Variants in CDC14A observed in about 807,000 individuals in gnomAD.
The protein encoded by CDC14A is dual specificity protein phosphatase CDC14A.
In CDC14A, 53 loss-of-function variants were observed where a neutral mutation model predicts 74.4. The observed-to-expected ratio is 0.71, with a 90% CI of 0.57 to 0.89. CDC14A has a LOEUF of 0.89. Among genes scored for constraint, CDC14A ranks in the 40% least tolerant of loss-of-function variants. CDC14A has a pLI of 0.00. For missense variants in CDC14A, 646 were observed against 713.7 expected (o/e 0.91, Z 1.08); for synonymous variants, 247 against 258.4 (o/e 0.96, Z 0.43).
chr1:100,358,462 C>CT (rs1421214882), intron 2 of CDC14A, among the ~76,000 whole-genome samples: 3 of 152,252 alleles, frequency 2.0e-5, no homozygotes, highest in Non-Finnish European at 2.9e-5. Flanking sequence ...TGTATAGGGT[C>CT]TTCATTTTCA....
intron 4 of CDC14A, among the ~76,000 whole-genome samples, chr1:100,415,518 A>G (rs150065666): frequency 1.4e-3 from 212 of 152,350 alleles, no homozygotes; most frequent in African/African-American, 4.9e-3. Flanking sequence ...CCTTGCCTCC[A>G]TATTTGTTAA....
chr1:100,406,491 T>C (rs1329280364), intron 4 of CDC14A, among the ~76,000 whole-genome samples: 1 of 152,220 alleles, frequency 6.6e-6, no homozygotes, highest in Admixed American at 6.5e-5. Flanking sequence ...ATAGATTTTC[T>C]TCTGGGTTTT....
rs138213287 is a variant in CDC14A at position 100,407,602 on chromosome 1, C to T, written c.310-16620C>T. ...CTTATCAGCTTAAAAAGCTTTTGGG[C>T]TGAGATGATGGTGTCTCCTAGATAT... On this transcript the variant is annotated intron_variant, in intron 4 of 15. Coordinates refer to ENST00000336454, the MANE Select transcript of CDC14A (RefSeq NM_003672.4). Among the ~76,000 whole-genome samples the T allele has an allele frequency of 2.8e-3, 430 of 152,242 alleles. 1 individual carries two copies. Among genetic ancestry groups the T allele is most frequent in the African/African-American group, 9.9e-3 (410 of 41,542 alleles).
At chr1:100,493,724 ATTC>A (rs1647345334) in intron 11 of CDC14A, among the ~76,000 whole-genome samples, 1 of 152,032 alleles carries the variant, frequency 6.6e-6, no homozygotes, top group Non-Finnish European at 1.5e-5. Flanking sequence ...TTTTGTCCTT[ATTC>A]TTTCTTTCCC....
chr1:100,381,797 T>G (rs1656141844), intron 3 of CDC14A, among the ~76,000 whole-genome samples: 1 of 152,204 alleles, frequency 6.6e-6, no homozygotes, highest in Non-Finnish European at 1.5e-5. Context: ...TGCTGCTTAT[T>G]TAAACTGTAC....
chr1:100,471,300 C>T (rs1000265341), intron 10 of CDC14A, among the ~76,000 whole-genome samples: 1 of 152,138 alleles, frequency 6.6e-6, no homozygotes, highest in Non-Finnish European at 1.5e-5. Context: ...CATGACAGAA[C>T]TTTCTAGAGT....
intron 7 of CDC14A, among the ~76,000 whole-genome samples, chr1:100,446,409 T>G (rs895345244): frequency 4.6e-5 from 7 of 152,222 alleles, no homozygotes; most frequent in African/African-American, 1.4e-4. Context: ...TGCTTTGTTG[T>G]GTAAAGTCTA....
intron 4 of CDC14A, among the ~76,000 whole-genome samples, chr1:100,418,173 G>C (rs7522151): frequency 0.14 from 20,856 of 151,712 alleles, 3,899 homozygotes; most frequent in African/African-American, 0.42. Flanking sequence ...AAGAGTGCCT[G>C]GCACATGGTA....
chr1:100,452,903 A>G (rs79752544), intron 7 of CDC14A, among the ~76,000 whole-genome samples: 1,720 of 152,314 alleles, frequency 0.011, 39 homozygotes, highest in African/African-American at 0.04. Flanking sequence ...TAGAAAAACC[A>G]ACTTGGGTCA....
chr1:100,392,930 A>T, intron 4 of CDC14A: 1 of 738,900 alleles, frequency 1.4e-6, no homozygotes, highest in Non-Finnish European at 2.2e-6. Flanking sequence ...CTAAACATTT[A>T]AACATCAATG....
At chr1:100,472,978 G>T (rs1668535029) in intron 10 of CDC14A, among the ~76,000 whole-genome samples, 2 of 151,146 alleles carry the variant, frequency 1.3e-5, no homozygotes, top group South Asian at 4.1e-4. Flanking sequence ...TATATAGTGA[G>T]CCTTAATATT....
intron 3 of CDC14A, among the ~76,000 whole-genome samples, chr1:100,379,352 T>G (rs1271184680): frequency 6.6e-6 from 1 of 152,234 alleles, no homozygotes. Flanking sequence ...CTTGGTTCAT[T>G]TTAGTGGTAA....
intron 15 of CDC14A, among the ~76,000 whole-genome samples, chr1:100,506,924 C>G (rs1431456531): frequency 6.6e-6 from 1 of 152,154 alleles, no homozygotes; most frequent in Non-Finnish European, 1.5e-5. Context: ...CACTATAATC[C>G]TAGCACTTTA....
chr1:100,422,326 G>T (rs1662465420), intron 4 of CDC14A, among the ~76,000 whole-genome samples: 1 of 152,130 alleles, frequency 6.6e-6, no homozygotes, highest in South Asian at 2.1e-4. Context: ...TCCTGGGGAG[G>T]AAAATGCATT....
intron 3 of CDC14A, among the ~76,000 whole-genome samples, chr1:100,380,189 A>G (rs1655900419): frequency 6.6e-6 from 1 of 152,238 alleles, no homozygotes; most frequent in Non-Finnish European, 1.5e-5. Context: ...GCTATTGTTT[A>G]TATATGGGAA....
intron 2 of CDC14A, among the ~76,000 whole-genome samples, chr1:100,369,862 G>A (rs575637231): frequency 5.1e-4 from 77 of 150,636 alleles, no homozygotes; most frequent in Non-Finnish European, 1.0e-3. Flanking sequence ...CTAAGTTGGA[G>A]TGCTGTGGCA....
At chr1:100,466,578 A>C (rs1278876123) in intron 9 of CDC14A, among the ~76,000 whole-genome samples, 1 of 152,120 alleles carries the variant, frequency 6.6e-6, no homozygotes, top group Non-Finnish European at 1.5e-5. Flanking sequence ...ACTTCTTAAA[A>C]AGGAAGGGTT....
At position 100,436,285 on chromosome 1, in the gene CDC14A, G is replaced by A. The variant is rs188797840; in HGVS notation, c.390-3647G>A. Among the ~76,000 whole-genome samples the A allele has an allele frequency of 1.3e-3, 201 of 152,264 alleles. 2 individuals are homozygous for A. The highest frequency in any genetic ancestry group is 1.9e-3 in the Admixed American group (29 of 15,296). ...AACAGGGAAAATTGACTTACAAAAT[G>A]GGAGGGAATGTTGCCTCTTAAATGG... On this transcript the variant is annotated intron_variant, in intron 5 of 15. Coordinates refer to ENST00000336454, the MANE Select transcript of CDC14A (RefSeq NM_003672.4).
At chr1:100,458,224 C>T (rs549018612) in intron 8 of CDC14A, among the ~76,000 whole-genome samples, 3 of 152,146 alleles carry the variant, frequency 2.0e-5, no homozygotes, top group East Asian at 1.9e-4. Context: ...TAATTGTTGG[C>T]GTGTGGATTC....
Sources: gnomAD v4.1 joint callset for allele counts (sites outside exome capture counted in the v4.1 genomes callset) on GRCh38, gnomAD v4.1.1 for gene constraint, MANE v1.5 for transcripts, NCBI Gene and HGNC (gene_info 2026-07-23, HGNC 2026-07-21) for gene names.